VSTM2A: variants seen among roughly 807,000 people sequenced by gnomAD.
The protein encoded by VSTM2A is V-set and transmembrane domain containing 2A.
A neutral mutation model predicts 27.3 loss-of-function variants in VSTM2A; 13 were observed. The ratio of observed to expected loss-of-function variants is 0.48; its 90% CI spans 0.31 to 0.76. The LOEUF is 0.76. VSTM2A is among the 30% of genes least tolerant of loss of function. The probability of loss-of-function intolerance (pLI) is 0.05; values close to 1 mark genes in which losing one functional copy is unlikely to be tolerated. For missense variants in VSTM2A, 280 were observed against 310.0 expected, an observed-to-expected ratio of 0.90 and a Z score of 0.73; for synonymous variants, 142 against 125.7, an observed-to-expected ratio of 1.13 and a Z score of -0.87.
At chr7:54,546,678 CGCCGGGACA>C in intron 2 of VSTM2A, 1 of 263,176 alleles carries the variant, frequency 3.8e-6, no homozygotes. Context: ...GCAGGGACAG[CGCCGGGACA>C]GCGCCGGGAC....
intron 2 of VSTM2A, 114 bp from the exon 3 acceptor site, chr7:54,546,833 C>CTGTCCCCTGGTCGCTCCCA: frequency 7.0e-7 from 1 of 1,438,160 alleles, no homozygotes; most frequent in Non-Finnish European, 9.3e-7. Context: ...GGTCGCTCCC[C>CTGTCCCCTGGTCGCTCCCA]TGTCCCCAGG....
chr7:54,544,877 G>A, intron 2 of VSTM2A, 89 bp downstream of exon 2: 1 of 1,431,438 alleles, frequency 7.0e-7, no homozygotes. Flanking sequence ...GGTGCTGCCT[G>A]GACACCCCTG....
chr7:54,544,872 T>C (rs1787895565), intron 2 of VSTM2A, 84 bp downstream of exon 2: 2 of 1,446,924 alleles, frequency 1.4e-6, no homozygotes, highest in Non-Finnish European at 1.8e-6. Flanking sequence ...GCCGAGGTGC[T>C]GCCTGGACAC....
At position 54,569,587 on chromosome 7, in the gene VSTM2A, C is replaced by G. The variant is rs752052843; in HGVS notation, c.*368C>G. 1 of 184,660 alleles carries G rather than the reference C, an allele frequency of 5.4e-6. No individual in the cohort carries two copies. Among genetic ancestry groups the G allele is most frequent in the African/African-American group, 2.3e-5 (1 of 42,588 alleles). The allele number at this position is 184,660 out of a possible 1,614,324, so 11.4% of individuals were successfully genotyped here. On this transcript the variant is annotated 3_prime_UTR_variant, in exon 5 of 5. Coordinates refer to ENST00000402613, the MANE Select transcript of VSTM2A (RefSeq NM_001301009.2). Reference sequence around the variant, plus strand: ...TAGGGGAAGAACAAAACTATCAACACTGCAAGTCAACAAGGAGGACATTAC... The same window carrying G: ...TAGGGGAAGAACAAAACTATCAACAGTGCAAGTCAACAAGGAGGACATTAC...
chr7:54,549,943 A>C lies in VSTM2A; in HGVS notation c.407A>C (p.Glu136Ala). Residue 136 changes from glutamate (E) to alanine (A), a missense_variant, in exon 4 of 5, where the codon GAG (glutamate) becomes GCG (alanine). Glu to Ala is a moderately radical substitution (Grantham distance 107, BLOSUM62 -1). Transcript: ENST00000402613. Reference protein sequence around the residue: ...ECRVTDANYGELQEHKAQAYL... With the variant: ...ECRVTDANYGALQEHKAQAYL... Reference sequence around the variant, plus strand: ...AGGGTGACTGATGCCAACTACGGGGAGCTTCAGGAACACAAGGCCCAGGCC... The same window carrying C: ...AGGGTGACTGATGCCAACTACGGGGCGCTTCAGGAACACAAGGCCCAGGCC... The C allele has an allele frequency of 6.2e-7, 1 of 1,613,814 alleles. No homozygotes were observed. The highest frequency in any genetic ancestry group is 2.2e-5 in the East Asian group (1 of 44,876).
intron 1 of VSTM2A, among the ~76,000 whole-genome samples, chr7:54,543,616 G>A (rs983207482): frequency 3.3e-5 from 5 of 151,954 alleles, no homozygotes; most frequent in African/African-American, 1.2e-4. Flanking sequence ...GGTGAGGGGT[G>A]GGGGGAGGAG....
chr7:54,553,799 T>C, intron 4 of VSTM2A: 1 of 1,541,644 alleles, frequency 6.5e-7, no homozygotes, highest in South Asian at 1.2e-5. Flanking sequence ...TCAACGCCCC[T>C]CCACCATGCC....
At chr7:54,569,049 T>G (rs772079487) in intron 4 of VSTM2A, 82 bp from the exon 5 acceptor site, 3 of 1,606,670 alleles carry the variant, frequency 1.9e-6, no homozygotes, top group Non-Finnish European at 1.7e-6. Context: ...CTGTCCTGCT[T>G]CTTGTTTGTG....
intron 3 of VSTM2A, among the ~76,000 whole-genome samples, chr7:54,548,021 A>G (rs1280677077): frequency 6.6e-5 from 10 of 152,218 alleles, no homozygotes; most frequent in Admixed American, 5.9e-4. Context: ...GAATACTTCA[A>G]TTATTCTTAT....
At chr7:54,556,092 G>A (rs1418916044) in intron 4 of VSTM2A, among the ~76,000 whole-genome samples, 1 of 152,160 alleles carries the variant, frequency 6.6e-6, no homozygotes, top group African/African-American at 2.4e-5. Context: ...GTGTATCTGT[G>A]TCATGCTACA....
At chr7:54,561,965 C>T (rs952958838) in intron 4 of VSTM2A, among the ~76,000 whole-genome samples, 52 of 152,012 alleles carry the variant, frequency 3.4e-4, no homozygotes, top group African/African-American at 1.2e-3. Flanking sequence ...CACTCTGTCA[C>T]CCAGGCTGGA....
intron 4 of VSTM2A, among the ~76,000 whole-genome samples, chr7:54,562,426 G>T (rs1788591315): frequency 6.6e-6 from 1 of 151,896 alleles, no homozygotes; most frequent in Non-Finnish European, 1.5e-5. Context: ...ATTTTTCTCT[G>T]ACAGTATTGG....
chr7:54,547,097 G>C, intron 3 of VSTM2A, 100 bp downstream of exon 3: 1 of 1,395,304 alleles, frequency 7.2e-7, no homozygotes, highest in Non-Finnish European at 9.5e-7. Context: ...AGGACAGCCG[G>C]ACAGCCGGGT....
chr7:54,560,743 CT>C (rs1788533847), intron 4 of VSTM2A, among the ~76,000 whole-genome samples: 1 of 152,098 alleles, frequency 6.6e-6, no homozygotes, highest in South Asian at 2.1e-4. Flanking sequence ...TTCCATGAAG[CT>C]GACAAATATG....
In VSTM2A at chr7:54,570,729, G is replaced by A. The variant is rs1312963353; in HGVS notation, c.*1510G>A. 1 of 152,156 alleles carries A rather than the reference G, an allele frequency of 6.6e-6. No individual in the cohort carries two copies. The highest frequency in any genetic ancestry group is 1.5e-5 in the Non-Finnish European group (1 of 68,010). The allele number at this position is 152,156 out of a possible 1,614,324, so 9.4% of individuals were successfully genotyped here. A position where few individuals can be genotyped will look rare whatever the true frequency, so the allele number is the denominator to read the frequency against. On this transcript the variant is annotated 3_prime_UTR_variant, in exon 5 of 5. Coordinates refer to ENST00000402613, the MANE Select transcript of VSTM2A (RefSeq NM_001301009.2). ...AGTGTTCCATATACATTATGGAATA[G>A]ATAAAGCTTGAGAGATAAATGACCT...
chr7:54,570,346 C>T lies in VSTM2A; in HGVS notation c.*1127C>T, dbSNP rs1440264066. On this transcript the variant is annotated 3_prime_UTR_variant, in exon 5 of 5. Coordinates refer to ENST00000402613, the MANE Select transcript of VSTM2A (RefSeq NM_001301009.2). ...GAATGTGGGGAAGGTGAAGCACTCA[C>T]CATAATTCCCTAAATTCATGTTAGA... 1 of 152,150 alleles carries T rather than the reference C, an allele frequency of 6.6e-6. No homozygotes were observed. The highest frequency in any genetic ancestry group is 2.4e-5 in the African/African-American group (1 of 41,438). The allele number at this position is 152,150 out of a possible 1,614,324, so 9.4% of individuals were successfully genotyped here.
chr7:54,546,016 G>A (rs1787951139), intron 2 of VSTM2A: 1 of 111,714 alleles, frequency 9.0e-6, no homozygotes, highest in Admixed American at 9.1e-5. Context: ...AGGAAGAGAA[G>A]GAGCAGGAGA....
In VSTM2A at chr7:54,546,928, G is replaced by A. The variant is rs373952041; in HGVS notation, c.247-19G>A. ...GGGCGGGCCTGGCGCGGGACTGAGC[G>A]TTCGCTCCTTGCCCGCAGGTGGAGC... On this transcript the variant is annotated intron_variant, in intron 2 of 4. Coordinates refer to ENST00000402613, the MANE Select transcript of VSTM2A (RefSeq NM_001301009.2). 7.2e-5 allele frequency: 115 copies of A among 1,598,852 alleles called. No individual in the cohort carries two copies. In the East Asian group the frequency reaches 1.2e-3, roughly 16 times the overall value.
Position 54,549,986 on chromosome 7 carries a change from C to T in VSTM2A, c.450C>T (p.Ala150=), listed in dbSNP as rs763900237. The T allele has an allele frequency of 3.1e-6, 5 of 1,613,288 alleles. No homozygotes were observed. The Admixed American group carries it at 8.3e-5, about 27-fold the overall frequency. ...CCCAGGCCTATCTGAAAGTCAATGC[C>T]AACAGCCATGCCCGCAGAATGCAGG... ...HKAQAYLKVN[A]NSHARRMQAF... is the part of the protein sequence containing the mutation. Residue 150 remains alanine, a synonymous_variant, in exon 4 of 5, where the codon GCC becomes GCT. Coordinates refer to ENST00000402613, the MANE Select transcript of VSTM2A (RefSeq NM_001301009.2).
Sources: allele counts gnomAD v4.1 joint callset (sites outside exome capture counted in the v4.1 genomes callset), GRCh38; gene constraint gnomAD v4.1.1; transcripts MANE v1.5; gene names NCBI Gene and HGNC (gene_info 2026-07-23, HGNC 2026-07-21).